Variants in TRPM3 observed in about 807,000 individuals in gnomAD.
TRPM3 encodes transient receptor potential cation channel subfamily M member 3.
Under a neutral mutation model 181.2 loss-of-function variants are expected in TRPM3, and 77 were observed. The observed-to-expected ratio is 0.42, with a 90% CI of 0.35 to 0.51. TRPM3 has a LOEUF of 0.51. Ranked by LOEUF, TRPM3 falls within the 20% of genes least tolerant of loss-of-function variation. The pLI is 0.01. For synonymous variants in TRPM3, 745 were observed against 796.4 expected (o/e 0.94, Z 1.09); for missense variants, 1,759 against 2,196.7 (o/e 0.80, Z 3.98).
chr9:71,265,397 T>C (rs555268602), intron 1 of TRPM3, among the ~76,000 whole-genome samples: 1 of 152,284 alleles, frequency 6.6e-6, no homozygotes, highest in South Asian at 2.1e-4. Context: ...GGATGAGAGG[T>C]GGAACAATAC....
At chr9:71,050,896 G>A (rs1489734301) in intron 1 of TRPM3, among the ~76,000 whole-genome samples, 3 of 133,280 alleles carry the variant, frequency 2.3e-5, no homozygotes, top group South Asian at 2.5e-4. Context: ...GAGGGCACCT[G>A]ATTAATGGGA....
At chr9:71,267,033 T>A (rs999731068) in intron 1 of TRPM3, among the ~76,000 whole-genome samples, 3 of 151,740 alleles carry the variant, frequency 2.0e-5, no homozygotes, top group Admixed American at 6.6e-5. Context: ...TTAGAAAAAA[T>A]TAAGAAAGCT....
At chr9:70,585,393 G>A (rs1049639452) in intron 22 of TRPM3, among the ~76,000 whole-genome samples, 1 of 152,068 alleles carries the variant, frequency 6.6e-6, no homozygotes, top group African/African-American at 2.4e-5. Flanking sequence ...CACGGTGGTT[G>A]ATCCCTAAAT....
At chr9:70,935,717 A>T (rs1347158527) in intron 1 of TRPM3, among the ~76,000 whole-genome samples, 1 of 152,208 alleles carries the variant, frequency 6.6e-6, no homozygotes, top group Non-Finnish European at 1.5e-5. Context: ...GTAGACACCT[A>T]AATTTGTTTT....
At chr9:71,322,076 C>G (rs1443536700) in intron 1 of TRPM3, among the ~76,000 whole-genome samples, 1 of 152,080 alleles carries the variant, frequency 6.6e-6, no homozygotes, top group African/African-American at 2.4e-5. Context: ...TAGGACAGAA[C>G]TTTTGACTCA....
At chr9:71,159,486 A>C (rs555900214) in intron 1 of TRPM3, among the ~76,000 whole-genome samples, 180 of 152,290 alleles carry the variant, frequency 1.2e-3, no homozygotes, top group Non-Finnish European at 2.3e-3. Context: ...ACATACTTCA[A>C]TATTTGGCCA....
intron 8 of TRPM3, among the ~76,000 whole-genome samples, chr9:70,755,933 C>G (rs1004859420): frequency 6.6e-6 from 1 of 152,062 alleles, no homozygotes; most frequent in Non-Finnish European, 1.5e-5. Flanking sequence ...GCAAAATAAC[C>G]AGCTAGCATC....
intron 8 of TRPM3, among the ~76,000 whole-genome samples, chr9:70,759,907 C>T (rs2135261638): frequency 6.6e-6 from 1 of 152,046 alleles, no homozygotes; most frequent in Admixed American, 6.6e-5. Flanking sequence ...TGGTGCAGCA[C>T]ATGTATACCT....
Position 71,418,518 on chromosome 9 carries a change from G to T in TRPM3, c.183+28135C>A, listed in dbSNP as rs965600979. ...TCTCATCCTTGCCCACATGACCAGG[G>T]ATTGGTGGGTACCTCATTGCAGTCC... On this transcript the variant is annotated intron_variant, in intron 1 of 24. Transcript: ENST00000357533. Among the ~76,000 whole-genome samples, 3 of 151,824 alleles carry T rather than the reference G, an allele frequency of 2.0e-5. No individual in the cohort carries two copies. In the South Asian group the frequency reaches 6.2e-4, roughly 31 times the overall value.
chr9:71,105,818 C>A (rs1207160194), intron 1 of TRPM3, among the ~76,000 whole-genome samples: 1 of 152,114 alleles, frequency 6.6e-6, no homozygotes, highest in African/African-American at 2.4e-5. Context: ...CACACACATA[C>A]AATACAGTGA....
intron 1 of TRPM3, among the ~76,000 whole-genome samples, chr9:71,359,300 C>A (rs991250479): frequency 1.3e-5 from 2 of 152,144 alleles, no homozygotes; most frequent in Admixed American, 1.3e-4. Flanking sequence ...TGTGTATGTG[C>A]GCATGCATGC....
chr9:71,320,507 C>T lies in TRPM3; in HGVS notation c.183+126146G>A, dbSNP rs532825843. ...TCCTTTTCTTAATCAGTATTCTGTA[C>T]ACTGTTCTTCATTTGTTCTTTCATT... On this transcript the variant is annotated intron_variant, in intron 1 of 24. Coordinates refer to the TRPM3 transcript ENST00000357533. 4.6e-5 allele frequency among the ~76,000 whole-genome samples: 7 copies of T among 151,326 alleles called. No individual in the cohort carries two copies. In the South Asian group the frequency reaches 1.5e-3, roughly 31 times the overall value.
intron 1 of TRPM3, among the ~76,000 whole-genome samples, chr9:71,315,419 T>A (rs528939734): frequency 6.6e-6 from 1 of 152,292 alleles, no homozygotes; most frequent in Admixed American, 6.5e-5. Context: ...TTTTTCAAAC[T>A]TCCCATACAT....
At chr9:70,977,899 C>T (rs2133988924) in intron 1 of TRPM3, among the ~76,000 whole-genome samples, 1 of 152,308 alleles carries the variant, frequency 6.6e-6, no homozygotes, top group South Asian at 2.1e-4. Flanking sequence ...TTGTATTTAC[C>T]AACCCAGAAG....
chr9:71,421,079 G>T (rs571461529), intron 1 of TRPM3, among the ~76,000 whole-genome samples: 2 of 151,750 alleles, frequency 1.3e-5, no homozygotes, highest in Admixed American at 6.6e-5. Flanking sequence ...GACACAGCTG[G>T]AGGCCATTAT....
At chr9:71,353,964 C>A (rs1302109399) in intron 1 of TRPM3, among the ~76,000 whole-genome samples, 1 of 152,214 alleles carries the variant, frequency 6.6e-6, no homozygotes, top group African/African-American at 2.4e-5. Context: ...TAGAACCCAG[C>A]TCTTCTGTCT....
At chr9:71,030,707 G>A (rs1243855800) in intron 1 of TRPM3, among the ~76,000 whole-genome samples, 1 of 152,118 alleles carries the variant, frequency 6.6e-6, no homozygotes. Context: ...CAGCAATTAT[G>A]CTAGCTTTGT....
chr9:71,376,397 A>G (rs924565771), intron 1 of TRPM3, among the ~76,000 whole-genome samples: 1 of 152,114 alleles, frequency 6.6e-6, no homozygotes, highest in Non-Finnish European at 1.5e-5. Flanking sequence ...GGTTATAAAT[A>G]TGTATCATTG....
chr9:71,335,333 T>G (rs567213441), intron 1 of TRPM3, among the ~76,000 whole-genome samples: 1 of 152,276 alleles, frequency 6.6e-6, no homozygotes, highest in Non-Finnish European at 1.5e-5. Flanking sequence ...ACAATTTTTT[T>G]TCAATATACC....
Sources: allele counts gnomAD v4.1 joint callset (sites outside exome capture counted in the v4.1 genomes callset), GRCh38; gene constraint gnomAD v4.1.1; transcripts MANE v1.5; gene names NCBI Gene and HGNC (gene_info 2026-07-23, HGNC 2026-07-21).